ZNF496: variants seen among roughly 807,000 people sequenced by gnomAD.
ZNF496 encodes the protein NSD1 (nuclear receptor binding SET-domain containing 1)-interacting zinc finger protein 1.
A neutral mutation model predicts 58.9 loss-of-function variants in ZNF496; 11 were observed. The observed-to-expected ratio is 0.19, with a 90% CI of 0.12 to 0.31. The LOEUF (loss-of-function observed/expected upper bound fraction) is 0.31, where lower values mean the gene tolerates loss of function less well. ZNF496 is among the 10% of genes least tolerant of loss of function. The pLI, the probability that ZNF496 is intolerant of heterozygous loss-of-function variation, is 1.00. For synonymous variants in ZNF496, 338 were observed against 318.2 expected, an observed-to-expected ratio of 1.06 and a Z score of -0.66; for missense variants, 660 against 783.0, an observed-to-expected ratio of 0.84 and a Z score of 1.88.
At chr1:247,310,660 C>G (rs1659572544) in intron 6 of ZNF496, 6 of 591,194 alleles carry the variant, frequency 1.0e-5, no homozygotes, top group Non-Finnish European at 1.8e-5. Flanking sequence ...ACTTCTTGGT[C>G]AAAAGACAGG....
chr1:247,312,667 G>A (rs1179127577), intron 6 of ZNF496: 1 of 150,802 alleles, frequency 6.6e-6, no homozygotes, highest in Non-Finnish European at 1.5e-5. Context: ...TCAGGAGGCT[G>A]AGGTTGCAGT....
At chr1:247,328,936 T>C in intron 4 of ZNF496, 70 bp from the exon 5 acceptor site, 1 of 1,517,578 alleles carries the variant, frequency 6.6e-7, no homozygotes, top group East Asian at 2.3e-5. Context: ...CTGGTGACCA[T>C]CCACTCCACA....
In ZNF496 at chr1:247,329,071, A is replaced by G; in HGVS notation, c.390+118T>C. 6.5e-7 allele frequency: 1 copy of G among 1,535,842 alleles called. No individual in the cohort carries two copies. Among genetic ancestry groups the G allele is most frequent in the South Asian group, 1.1e-5 (1 of 87,124 alleles). On this transcript the variant is annotated intron_variant, in intron 4 of 9. Coordinates refer to ENST00000682384, the MANE Select transcript of ZNF496 (RefSeq NM_032752.3). This position sits in a 1 kb window ranked among gnomAD's most constrained non-coding sequence, Gnocchi z 5.5. Reference sequence around the variant, plus strand: ...TCTTAGGAAACTCTAGTCTGGACCTAACCAAAGTAAATGGCTCTCGATGGA... The same window carrying G: ...TCTTAGGAAACTCTAGTCTGGACCTGACCAAAGTAAATGGCTCTCGATGGA...
rs1211577521 is a variant in ZNF496 at position 247,308,724 on chromosome 1, G to A, written c.893-136C>T. The A allele has an allele frequency of 4.0e-6, 3 of 748,650 alleles. No homozygotes were observed. Among genetic ancestry groups the A allele is most frequent in the Non-Finnish European group, 6.5e-6 (3 of 458,280 alleles). The allele number at this position is 748,650 out of a possible 1,614,324, so 46.4% of individuals were successfully genotyped here. On this transcript the variant is annotated intron_variant, in intron 8 of 9. Transcript: ENST00000682384. The surrounding 1 kb of genome is among the most constrained non-coding windows in gnomAD (Gnocchi z 4.5). ...CCGTCCTGGGGACTGGCAGGGGGTG[G>A]CCACTCAATAAGTGTCTGCTGAGTG...
intron 5 of ZNF496, among the ~76,000 whole-genome samples, chr1:247,325,228 TAGGG>T (rs1456315477): frequency 6.6e-6 from 1 of 152,136 alleles, no homozygotes; most frequent in African/African-American, 2.4e-5. Context: ...AGTGCCATTC[TAGGG>T]GTCTCAGTGG....
Position 247,300,667 on chromosome 1 carries a change from C to T in ZNF496, c.1616G>A (p.Arg539Gln), listed in dbSNP as rs144745098. ...CTTCAGGTGAAAGTGGCTGCGGTGC[C>T]GAGCCAGGTGGTCGTGCCGCTGGAA... ...KAFQRHDHLA[R>Q]HRSHFHLKDK... Residue 539 changes from arginine (R) to glutamine (Q), a missense_variant, in exon 10 of 10, where the codon CGG becomes CAG. Coordinates refer to ENST00000682384, the MANE Select transcript of ZNF496 (RefSeq NM_032752.3). The surrounding 1 kb of genome is among the most constrained non-coding windows in gnomAD (Gnocchi z 5.7). 2.5e-6 allele frequency: 4 copies of T among 1,613,922 alleles called. No homozygotes were observed. Among genetic ancestry groups the T allele is most frequent in the African/African-American group, 1.3e-5 (1 of 74,946 alleles).
chr1:247,301,852 AAGG>A (rs1434024915), intron 9 of ZNF496, among the ~76,000 whole-genome samples: 1 of 152,166 alleles, frequency 6.6e-6, no homozygotes, highest in East Asian at 1.9e-4. Context: ...CTGTGCCAGG[AAGG>A]AGGGCTGAAA....
intron 4 of ZNF496, 43 bp from the exon 5 acceptor site, chr1:247,328,909 C>G (rs969459870): frequency 1.9e-6 from 3 of 1,544,244 alleles, no homozygotes; most frequent in Non-Finnish European, 2.6e-6. Context: ...GGGAAGAGGT[C>G]CCATCTCTCC....
intron 9 of ZNF496, among the ~76,000 whole-genome samples, chr1:247,306,625 C>T (rs1299083655): frequency 6.6e-6 from 1 of 151,782 alleles, no homozygotes; most frequent in African/African-American, 2.4e-5. Flanking sequence ...CCTGAGCCTC[C>T]CCAGTAGCTG....
chr1:247,315,490 T>G (rs1659740784), intron 6 of ZNF496, among the ~76,000 whole-genome samples: 1 of 152,316 alleles, frequency 6.6e-6, no homozygotes, highest in African/African-American at 2.4e-5. Context: ...CATTATTGTT[T>G]TAATGTGAAA....
chr1:247,301,941 C>G (rs1209195926), intron 9 of ZNF496, among the ~76,000 whole-genome samples: 2 of 152,162 alleles, frequency 1.3e-5, no homozygotes, highest in Admixed American at 6.5e-5. Flanking sequence ...CTCCCCGGCT[C>G]CCAGTAGCAC....
chr1:247,324,529 CT>C (rs35060178), intron 5 of ZNF496, among the ~76,000 whole-genome samples: 3,237 of 147,774 alleles, frequency 0.022, 107 homozygotes, highest in African/African-American at 0.074. Context: ...ATTAGCTTGA[CT>C]TTTTTTTTTT....
rs1178809278 is a variant in ZNF496, at chr1:247,312,112, C to T, written c.652-1656G>A. 2 of 152,244 alleles carry T rather than the reference C, an allele frequency of 1.3e-5. 1 individual carries two copies. Among genetic ancestry groups the T allele is most frequent in the South Asian group, 4.1e-4 (2 of 4,838 alleles). 9.4% of individuals were successfully genotyped at this position (152,244 alleles called of 1,614,324 possible). On this transcript the variant is annotated intron_variant, in intron 6 of 9. Transcript: ENST00000682384. ...ACATAGGCTGACAAATATTCCCGAT[C>T]TTTAAGTTCTGCTTCCCTTTTAAGT...
Position 247,308,441 on chromosome 1 carries a change from G to C in ZNF496, c.1006+34C>G, listed in dbSNP as rs1443415391. 3.8e-6 allele frequency: 6 copies of C among 1,591,540 alleles called. No homozygotes were observed. In the East Asian group the frequency reaches 1.3e-4, roughly 36 times the overall value. On this transcript the variant is annotated intron_variant, in intron 9 of 9. Transcript: ENST00000682384. This position sits in a 1 kb window ranked among gnomAD's most constrained non-coding sequence, Gnocchi z 4.5. ...TCATGCGACACACCACAGACACACA[G>C]GGACAAACCCATACCTCCCTGACCC...
intron 9 of ZNF496, among the ~76,000 whole-genome samples, chr1:247,305,527 A>T (rs2103017616): frequency 6.6e-6 from 1 of 152,348 alleles, no homozygotes; most frequent in Non-Finnish European, 1.5e-5. Context: ...TGGCAAAGGC[A>T]TGCAGCGTGC....
At chr1:247,326,904 T>G (rs1315267881) in intron 5 of ZNF496, among the ~76,000 whole-genome samples, 5 of 152,100 alleles carry the variant, frequency 3.3e-5, no homozygotes, top group Non-Finnish European at 7.3e-5. Context: ...AAACTTCTCT[T>G]AGTGTAAACA....
intron 5 of ZNF496, among the ~76,000 whole-genome samples, chr1:247,328,433 T>C (rs1379825116): frequency 1.3e-5 from 2 of 152,244 alleles, no homozygotes; most frequent in Non-Finnish European, 2.9e-5. Flanking sequence ...ACCACCTCAG[T>C]GACACCCACC....
Position 247,308,677 on chromosome 1 carries a change from G to T in ZNF496, c.893-89C>A. On this transcript the variant is annotated intron_variant, in intron 8 of 9. Coordinates refer to ENST00000682384, the MANE Select transcript of ZNF496 (RefSeq NM_032752.3). This position sits in a 1 kb window ranked among gnomAD's most constrained non-coding sequence, Gnocchi z 4.5. ...GCTATCCGAATAGATGCCAGGCTAC[G>T]ATCTGGGGGCGGCCCTGGGCTCCGT... 7.8e-7 allele frequency: 1 copy of T among 1,281,084 alleles called. No homozygotes were observed. 79.4% of individuals were successfully genotyped at this position (1,281,084 alleles called of 1,614,324 possible). A position where few individuals can be genotyped will look rare whatever the true frequency, so the allele number is the denominator to read the frequency against.
rs368822951 is a variant in ZNF496 at position 247,302,765 on chromosome 1, G to A, written c.1007-1489C>T. 2.4e-4 allele frequency among the ~76,000 whole-genome samples: 36 copies of A among 152,322 alleles called. No individual in the cohort carries two copies. In the East Asian group the frequency reaches 4.4e-3, roughly 19 times the overall value. On this transcript the variant is annotated intron_variant, in intron 9 of 9. Coordinates refer to ENST00000682384, the MANE Select transcript of ZNF496 (RefSeq NM_032752.3). ...AAGGTGAGAATGACAGTGGCAGCCCGTTGCTCTAAGCTGCTGGTGGGGCAG... is the reference window on the plus strand; with the variant it reads ...AAGGTGAGAATGACAGTGGCAGCCCATTGCTCTAAGCTGCTGGTGGGGCAG...
Sources: gnomAD v4.1 joint callset for allele counts (sites outside exome capture counted in the v4.1 genomes callset) on GRCh38, gnomAD v4.1.1 for gene constraint, Gnocchi (gnomAD v3.1) non-coding constraint, MANE v1.5 for transcripts, NCBI Gene and HGNC (gene_info 2026-07-23, HGNC 2026-07-21) for gene names.